Variants in PPP3R1 observed in about 807,000 individuals in gnomAD.
PPP3R1 encodes calcineurin subunit B type 1.
Under a neutral mutation model 22.6 loss-of-function variants are expected in PPP3R1, and 5 were observed. The ratio of observed to expected loss-of-function variants is 0.22; its 90% CI spans 0.12 to 0.46. The LOEUF is 0.46. Ranked by LOEUF, PPP3R1 falls within the 20% of genes least tolerant of loss-of-function variation. The pLI is 0.99. For synonymous variants in PPP3R1, 56 were observed against 65.2 expected (o/e 0.86, Z 0.68); for missense variants, 61 against 203.2 (o/e 0.30, Z 4.25).
chr2:68,239,011 TAATAA>T (rs1250598769), intron 1 of PPP3R1, among the ~76,000 whole-genome samples: 4 of 150,862 alleles, frequency 2.7e-5, no homozygotes, highest in Non-Finnish European at 4.4e-5. Flanking sequence ...ATAATAAACA[TAATAA>T]AATACTTTTA....
chr2:68,252,056 G>A, intron 1 of PPP3R1, 69 bp downstream of exon 1: 4 of 1,332,468 alleles, frequency 3.0e-6, no homozygotes, highest in East Asian at 3.5e-5. Context: ...GTCGGGGCTC[G>A]CCCCCGCACC....
intron 2 of PPP3R1, among the ~76,000 whole-genome samples, chr2:68,213,386 T>C (rs1359640496): frequency 6.6e-6 from 1 of 152,156 alleles, no homozygotes; most frequent in Admixed American, 6.5e-5. Context: ...TCTTAGGGAA[T>C]AGGGAGGTCT....
rs1400526840 is a variant in PPP3R1, at chr2:68,187,203, T to C, written c.280+52A>G. 2.2e-5 allele frequency: 30 copies of C among 1,352,838 alleles called. No individual in the cohort carries two copies. The East Asian group carries it at 7.1e-4, about 32-fold the overall frequency. The allele number at this position is 1,352,838 out of a possible 1,614,324, so 83.8% of individuals were successfully genotyped here. ...TTTTAAAAAGCATTCTATAATACAG[T>C]ATGAAATGATGGTAGTATAAGAGAA... On this transcript the variant is annotated intron_variant, in intron 4 of 5. Transcript: ENST00000234310.
chr2:68,240,859 T>C (rs2103807822), intron 1 of PPP3R1, among the ~76,000 whole-genome samples: 1 of 152,250 alleles, frequency 6.6e-6, no homozygotes, highest in South Asian at 2.1e-4. Flanking sequence ...AGTAATACAA[T>C]CATATTTGAG....
rs1460179959 is a variant in PPP3R1, at chr2:68,180,945, G to GGT, written c.*16_*17dup. On this transcript the variant is annotated 3_prime_UTR_variant, in exon 6 of 6. Coordinates refer to ENST00000234310, the MANE Select transcript of PPP3R1 (RefSeq NM_000945.4). ...GGAGAAGAAAGCAAAAGTGTTGGGT[G>GGT]GTACTCTCTGATAAGAGTCACACAT... 6.2e-7 allele frequency: 1 copy of GGT among 1,607,060 alleles called. No individual in the cohort carries two copies. The highest frequency in any genetic ancestry group is 1.3e-5 in the African/African-American group (1 of 74,852).
chr2:68,188,395 T>G, intron 3 of PPP3R1, 119 bp downstream of exon 3: 2 of 754,798 alleles, frequency 2.6e-6, no homozygotes, highest in Non-Finnish European at 4.0e-6. Context: ...GGTTTTAACA[T>G]AATCTATTAT....
intron 2 of PPP3R1, among the ~76,000 whole-genome samples, chr2:68,204,219 T>C (rs1281009889): frequency 6.6e-6 from 1 of 152,012 alleles, no homozygotes; most frequent in Non-Finnish European, 1.5e-5. Context: ...GAGTATACAT[T>C]TCCTAGTCCA....
At chr2:68,185,424 AT>A (rs1308893090) in intron 5 of PPP3R1, among the ~76,000 whole-genome samples, 1 of 136,274 alleles carries the variant, frequency 7.3e-6, no homozygotes. Context: ...TTATATTTAT[AT>A]ATTTATATTT....
At chr2:68,249,415 T>C (rs13004394) in intron 1 of PPP3R1, among the ~76,000 whole-genome samples, 32,485 of 151,856 alleles carry the variant, frequency 0.21, 3,712 homozygotes, top group Non-Finnish European at 0.25. Flanking sequence ...TAGATGCAGA[T>C]CATGGAGATA....
chr2:68,186,006 T>A (rs1197173523), intron 5 of PPP3R1, among the ~76,000 whole-genome samples: 1 of 152,214 alleles, frequency 6.6e-6, no homozygotes, highest in African/African-American at 2.4e-5. Flanking sequence ...AGAAAATCTT[T>A]CTATGGAAGC....
At chr2:68,231,127 A>G (rs1268246260) in intron 1 of PPP3R1, among the ~76,000 whole-genome samples, 1 of 151,890 alleles carries the variant, frequency 6.6e-6, no homozygotes, top group African/African-American at 2.4e-5. Context: ...CAAGTGTTAA[A>G]TCTTTTTATA....
intron 2 of PPP3R1, among the ~76,000 whole-genome samples, chr2:68,213,923 T>A (rs750853236): frequency 9.2e-5 from 14 of 152,090 alleles, no homozygotes; most frequent in Non-Finnish European, 1.5e-4. Flanking sequence ...GAAGCTATAC[T>A]ACAACTAAAA....
intron 5 of PPP3R1, among the ~76,000 whole-genome samples, chr2:68,184,044 C>T (rs991478563): frequency 2.0e-5 from 3 of 152,196 alleles, no homozygotes; most frequent in Admixed American, 6.5e-5. Flanking sequence ...ATGCTTACTG[C>T]CACTTAGCTC....
At chr2:68,216,671 G>T (rs752837792) in intron 2 of PPP3R1, among the ~76,000 whole-genome samples, 2 of 152,070 alleles carry the variant, frequency 1.3e-5, no homozygotes, top group Non-Finnish European at 2.9e-5. Context: ...CAGGTCCTTG[G>T]ATTTCCCTCT....
At chr2:68,240,806 T>C (rs999304639) in intron 1 of PPP3R1, among the ~76,000 whole-genome samples, 1 of 152,210 alleles carries the variant, frequency 6.6e-6, no homozygotes, top group African/African-American at 2.4e-5. Context: ...TTAGGCTATG[T>C]TGAAGATTTC....
intron 1 of PPP3R1, among the ~76,000 whole-genome samples, chr2:68,239,303 T>C (rs1670074379): frequency 6.6e-6 from 1 of 152,178 alleles, no homozygotes; most frequent in South Asian, 2.1e-4. Flanking sequence ...AATATTATGT[T>C]TCCCTGTTTA....
chr2:68,207,382 G>C (rs1407200940), intron 2 of PPP3R1, among the ~76,000 whole-genome samples: 1 of 152,176 alleles, frequency 6.6e-6, no homozygotes, highest in East Asian at 1.9e-4. Context: ...ATTGATTAAA[G>C]TGATAAGAAA....
intron 2 of PPP3R1, among the ~76,000 whole-genome samples, chr2:68,195,483 T>C (rs533885461): frequency 6.6e-6 from 1 of 152,236 alleles, no homozygotes; most frequent in East Asian, 1.9e-4. Context: ...ATCTACCATC[T>C]TTTCCTTTGC....
Position 68,219,437 on chromosome 2 carries a change from C to A in PPP3R1, c.4-2306G>T, listed in dbSNP as rs77922035. Among the ~76,000 whole-genome samples the A allele has an allele frequency of 7.6e-4, 115 of 152,306 alleles. 1 individual carries two copies. In the East Asian group the frequency reaches 0.021, roughly 28 times the overall value. On this transcript the variant is annotated intron_variant, in intron 1 of 5. Coordinates refer to ENST00000234310, the MANE Select transcript of PPP3R1 (RefSeq NM_000945.4). ...ATTCCCCTTTATACTCCTCTCCACA[C>A]CCCCTCACGTTCAGCTTCTTAAGCT... is the stretch of plus-strand genomic sequence containing the variant.
Sources: gnomAD v4.1 joint callset for allele counts (sites outside exome capture counted in the v4.1 genomes callset) on GRCh38, gnomAD v4.1.1 for gene constraint, MANE v1.5 for transcripts, NCBI Gene and HGNC (gene_info 2026-07-23, HGNC 2026-07-21) for gene names.